The following MAPK8 variants were observed in gnomAD, a reference collection of about 807,000 sequenced individuals.
The protein encoded by MAPK8 is mitogen-activated protein kinase 8.
Under a neutral mutation model 52.9 loss-of-function variants are expected in MAPK8, and 13 were observed. That is an observed-to-expected ratio of 0.25 (90% CI 0.16 to 0.39). The LOEUF is 0.39. MAPK8 is among the 10% of genes least tolerant of loss of function. The pLI is 1.00. For missense variants in MAPK8, 300 were observed against 519.2 expected (o/e 0.58, Z 4.10); for synonymous variants, 191 against 169.8 (o/e 1.12, Z -0.97).
intron 1 of MAPK8, among the ~76,000 whole-genome samples, chr10:48,388,705 G>C (rs2041458844): frequency 6.6e-6 from 1 of 152,054 alleles, no homozygotes; most frequent in African/African-American, 2.4e-5. Flanking sequence ...ATATGCCCAG[G>C]TGAGAATGGG....
At chr10:48,365,984 C>T (rs572623304) in intron 1 of MAPK8, among the ~76,000 whole-genome samples, 3 of 151,896 alleles carry the variant, frequency 2.0e-5, no homozygotes, top group South Asian at 2.1e-4. Flanking sequence ...CCATAGTTTG[C>T]GGAATGTACT....
chr10:48,353,152 T>A (rs1846501459), intron 1 of MAPK8, among the ~76,000 whole-genome samples: 1 of 152,218 alleles, frequency 6.6e-6, no homozygotes, highest in Non-Finnish European at 1.5e-5. Context: ...CTCAGCATGT[T>A]ATAAATGACT....
intron 3 of MAPK8, among the ~76,000 whole-genome samples, chr10:48,409,642 A>G (rs1484843795): frequency 2.0e-5 from 3 of 152,208 alleles, no homozygotes; most frequent in African/African-American, 7.2e-5. Flanking sequence ...ACTGTTCATA[A>G]ATGGAATTAC....
At chr10:48,430,875 G>GTA (rs2044171497) in intron 10 of MAPK8, 1 of 359,992 alleles carries the variant, frequency 2.8e-6, no homozygotes, top group African/African-American at 2.2e-5. Context: ...AGAATGGTAT[G>GTA]TGGTATGATG....
chr10:48,391,731 C>G (rs1003253264), intron 1 of MAPK8, among the ~76,000 whole-genome samples: 8 of 152,128 alleles, frequency 5.3e-5, no homozygotes, highest in African/African-American at 1.9e-4. Flanking sequence ...AGGGCCCAGT[C>G]CCCTCCCACC....
chr10:48,309,394 A>G (rs986078442), intron 1 of MAPK8, among the ~76,000 whole-genome samples: 2 of 152,188 alleles, frequency 1.3e-5, no homozygotes, highest in African/African-American at 4.8e-5. Context: ...TTCTGTTAGT[A>G]AATATATTCC....
chr10:48,321,093 T>C (rs199597188), intron 1 of MAPK8, among the ~76,000 whole-genome samples: 1 of 147,530 alleles, frequency 6.8e-6, no homozygotes, highest in Non-Finnish European at 1.5e-5. Flanking sequence ...GTAAGAGTTT[T>C]TTTTTTTTTT....
chr10:48,418,387 G>A (rs182189526), intron 5 of MAPK8, among the ~76,000 whole-genome samples: 8 of 152,262 alleles, frequency 5.3e-5, no homozygotes, highest in Admixed American at 2.0e-4. Context: ...GGCTTAGCAC[G>A]ACTCAGGCTT....
At chr10:48,426,190 T>A in intron 8 of MAPK8, 120 bp downstream of exon 8, 1 of 1,028,876 alleles carries the variant, frequency 9.7e-7, no homozygotes, top group Non-Finnish European at 1.3e-6. Flanking sequence ...TTTCTCTGGA[T>A]GGTGGGGAAA....
chr10:48,398,755 C>T (rs1050519692), intron 1 of MAPK8, among the ~76,000 whole-genome samples: 9 of 152,232 alleles, frequency 5.9e-5, no homozygotes, highest in African/African-American at 2.2e-4. Flanking sequence ...AAATGAAAGA[C>T]GCCAAACAAA....
chr10:48,403,818 GGCTCACTGCAA>G (rs1161784121), intron 2 of MAPK8, among the ~76,000 whole-genome samples: 5 of 151,096 alleles, frequency 3.3e-5, no homozygotes, highest in Non-Finnish European at 7.4e-5. Flanking sequence ...GCGTGATCTT[GGCTCACTGCAA>G]GCTCCGCCTC....
intron 1 of MAPK8, among the ~76,000 whole-genome samples, chr10:48,383,388 A>T (rs1459798745): frequency 1.3e-5 from 2 of 152,234 alleles, no homozygotes; most frequent in African/African-American, 2.4e-5. Flanking sequence ...AGGGAAAAGG[A>T]TCAGTAACAA....
At chr10:48,376,838 A>G (rs1361618195) in intron 1 of MAPK8, among the ~76,000 whole-genome samples, 6 of 152,190 alleles carry the variant, frequency 3.9e-5, no homozygotes, top group Non-Finnish European at 1.5e-5. Flanking sequence ...AGCTAGAAAT[A>G]CTATTTGACC....
chr10:48,364,330 C>T (rs1218910435), intron 1 of MAPK8, among the ~76,000 whole-genome samples: 1 of 151,520 alleles, frequency 6.6e-6, no homozygotes, highest in African/African-American at 2.4e-5. Context: ...GTTTTTGAAG[C>T]CAAATAATGA....
chr10:48,423,087 T>G (rs189214067), intron 6 of MAPK8, among the ~76,000 whole-genome samples: 1 of 152,320 alleles, frequency 6.6e-6, no homozygotes, highest in East Asian at 1.9e-4. Flanking sequence ...CCTGTTACAC[T>G]GCAAGCACTT....
chr10:48,311,531 T>C (rs1002304695), intron 1 of MAPK8, among the ~76,000 whole-genome samples: 2 of 152,216 alleles, frequency 1.3e-5, no homozygotes, highest in African/African-American at 4.8e-5. Flanking sequence ...GTTATAGACA[T>C]CTAAAGGAAT....
At chr10:48,419,027 A>T (rs1376297244) in intron 5 of MAPK8, among the ~76,000 whole-genome samples, 2 of 152,318 alleles carry the variant, frequency 1.3e-5, no homozygotes, top group East Asian at 3.9e-4. Context: ...TATTAGCAAC[A>T]TTATATTTAC....
Position 48,318,579 on chromosome 10 carries a change from G to A in MAPK8, c.-50+11758G>A, listed in dbSNP as rs1842713414. Among the ~76,000 whole-genome samples, 3 of 152,186 alleles carry A rather than the reference G, an allele frequency of 2.0e-5. No individual in the cohort carries two copies. In the South Asian group the frequency reaches 6.2e-4, roughly 32 times the overall value. ...AATACCTGAAAGAGAGATTTCACAA[G>A]TATGACAATTATTGACATTAATAAT... On this transcript the variant is annotated intron_variant, in intron 1 of 11. Transcript: ENST00000374189.
At chr10:48,389,910 A>C (rs1288289299) in intron 1 of MAPK8, among the ~76,000 whole-genome samples, 5 of 152,168 alleles carry the variant, frequency 3.3e-5, no homozygotes, top group Admixed American at 1.3e-4. Flanking sequence ...GAGCTGTATT[A>C]AGAGATTTAT....
Sources: gnomAD v4.1 joint callset for allele counts (sites outside exome capture counted in the v4.1 genomes callset) on GRCh38, gnomAD v4.1.1 for gene constraint, MANE v1.5 for transcripts, NCBI Gene and HGNC (gene_info 2026-07-23, HGNC 2026-07-21) for gene names.